Variants in ST3GAL2 observed in about 807,000 individuals in gnomAD.
ST3GAL2 encodes the protein CMP-N-acetylneuraminate-beta-galactosamide-alpha-2,3-sialyltransferase 2.
Under a neutral mutation model 37.5 loss-of-function variants are expected in ST3GAL2, and 16 were observed. The ratio of observed to expected loss-of-function variants is 0.43; its 90% CI spans 0.29 to 0.65. The LOEUF (loss-of-function observed/expected upper bound fraction) is 0.65. Among genes scored for constraint, ST3GAL2 ranks in the 30% least tolerant of loss-of-function variants. ST3GAL2 has a pLI of 0.17. For synonymous variants in ST3GAL2, 238 were observed against 202.9 expected, an observed-to-expected ratio of 1.17 and a Z score of -1.47; for missense variants, 383 against 487.8, an observed-to-expected ratio of 0.79 and a Z score of 2.02.
At chr16:70,386,641 AT>A (rs2151657840) in intron 4 of ST3GAL2, among the ~76,000 whole-genome samples, 1 of 151,626 alleles carries the variant, frequency 6.6e-6, no homozygotes, top group East Asian at 2.0e-4. Flanking sequence ...CCGGCCAAAA[AT>A]TTTTATTTTT....
chr16:70,434,557 A>C (rs1490957623), intron 1 of ST3GAL2, among the ~76,000 whole-genome samples: 1 of 152,194 alleles, frequency 6.6e-6, no homozygotes, highest in African/African-American at 2.4e-5. Context: ...GAAAGACATG[A>C]GTTTCAACCC....
chr16:70,389,202 C>CAAAAAAAAAAA lies in ST3GAL2; in HGVS notation c.534-667_534-657dup, dbSNP rs1160368910. ...AGACCACGGTGAAACCCCATCTCTA[C>CAAAAAAAAAAA]AAAAAAAAAAAAAAAAAAAAAAAAA... On this transcript the variant is annotated intron_variant, in intron 3 of 6. Coordinates refer to ENST00000342907, the MANE Select transcript of ST3GAL2 (RefSeq NM_006927.4). Among the ~76,000 whole-genome samples, 106 of 27,372 alleles carry CAAAAAAAAAAA rather than the reference C, an allele frequency of 3.9e-3. 37 individuals carry two copies. Among genetic ancestry groups the CAAAAAAAAAAA allele is most frequent in the Middle Eastern group, 0.091 (2 of 22 alleles). The allele number at this position is 27,372 out of a possible 152,430, so 18.0% of individuals were successfully genotyped here. A position where few individuals can be genotyped will look rare whatever the true frequency, so the allele number is the denominator to read the frequency against.
intron 3 of ST3GAL2, among the ~76,000 whole-genome samples, chr16:70,390,917 C>T (rs1200028964): frequency 1.3e-5 from 2 of 152,158 alleles, no homozygotes; most frequent in East Asian, 3.8e-4. Flanking sequence ...GTGGACCACA[C>T]CTTGTGGAAT....
At chr16:70,434,640 C>A (rs117214761) in intron 1 of ST3GAL2, among the ~76,000 whole-genome samples, 1 of 152,298 alleles carries the variant, frequency 6.6e-6, no homozygotes, top group East Asian at 1.9e-4. Context: ...TACAAAGCAG[C>A]GGCAACAACA....
In ST3GAL2 at chr16:70,379,137, T is replaced by C. The variant is rs1345145880; in HGVS notation, c.*2552A>G. 1 of 152,230 alleles carries C rather than the reference T, an allele frequency of 6.6e-6. No homozygotes were observed. Among genetic ancestry groups the C allele is most frequent in the Non-Finnish European group, 1.5e-5 (1 of 68,080 alleles). 9.4% of individuals were successfully genotyped at this position (152,230 alleles called of 1,614,324 possible). A position where few individuals can be genotyped will look rare whatever the true frequency, so the allele number is the denominator to read the frequency against. On this transcript the variant is annotated 3_prime_UTR_variant, in exon 7 of 7. Transcript: ENST00000342907. ...TGAGAGGTGGGGACAGCCCAGCCTG[T>C]GGCCACCCAAATGTATCGGAGCCTG...
intron 1 of ST3GAL2, among the ~76,000 whole-genome samples, chr16:70,410,639 A>G (rs954143492): frequency 6.6e-6 from 1 of 151,600 alleles, no homozygotes; most frequent in African/African-American, 2.4e-5. Flanking sequence ...TAGCTTATGT[A>G]CATTTTCTTG....
intron 3 of ST3GAL2, among the ~76,000 whole-genome samples, chr16:70,390,459 A>C (rs948367521): frequency 6.6e-6 from 1 of 152,126 alleles, no homozygotes; most frequent in Admixed American, 6.6e-5. Context: ...CCTTCCTATA[A>C]GATGGTGAAA....
chr16:70,404,252 G>A (rs564736338), intron 1 of ST3GAL2, among the ~76,000 whole-genome samples: 1 of 152,256 alleles, frequency 6.6e-6, no homozygotes, highest in Admixed American at 6.5e-5. Flanking sequence ...AACAGCCAAT[G>A]AGGCAGGGGG....
chr16:70,386,983 T>C (rs1333439759), intron 4 of ST3GAL2, among the ~76,000 whole-genome samples: 1 of 152,056 alleles, frequency 6.6e-6, no homozygotes, highest in Non-Finnish European at 1.5e-5. Context: ...CCGGGTGTGG[T>C]GGCTCATGCC....
intron 1 of ST3GAL2, among the ~76,000 whole-genome samples, chr16:70,424,445 T>C (rs896994021): frequency 1.3e-5 from 2 of 151,094 alleles, no homozygotes; most frequent in Non-Finnish European, 3.0e-5. Context: ...CTACTAAAAA[T>C]ACAAAATTAG....
At chr16:70,402,538 A>G (rs1349965281) in intron 1 of ST3GAL2, among the ~76,000 whole-genome samples, 1 of 152,236 alleles carries the variant, frequency 6.6e-6, no homozygotes, top group Non-Finnish European at 1.5e-5. Context: ...TCAAGGAAAC[A>G]ACACAAAATT....
intron 1 of ST3GAL2, among the ~76,000 whole-genome samples, chr16:70,435,058 AG>A (rs1476750822): frequency 2.0e-5 from 3 of 152,226 alleles, no homozygotes; most frequent in Non-Finnish European, 4.4e-5. Flanking sequence ...AAACAGGCAC[AG>A]GCCAGACGAG....
intron 1 of ST3GAL2, among the ~76,000 whole-genome samples, chr16:70,420,534 G>T (rs1189413379): frequency 6.6e-6 from 1 of 152,174 alleles, no homozygotes; most frequent in African/African-American, 2.4e-5. Flanking sequence ...GGACAAGCCA[G>T]CACTAGGAGG....
chr16:70,434,668 C>G (rs1452472337), intron 1 of ST3GAL2, among the ~76,000 whole-genome samples: 1 of 152,222 alleles, frequency 6.6e-6, no homozygotes, highest in African/African-American at 2.4e-5. Context: ...TGCAGTGCTG[C>G]TGTGAGGATT....
At position 70,394,937 on chromosome 16, in the gene ST3GAL2, C is replaced by T. The variant is rs374633767; in HGVS notation, c.533+45G>A. 1.3e-4 allele frequency: 202 copies of T among 1,588,668 alleles called. 3 individuals carry two copies. In the South Asian group the frequency reaches 1.3e-3, roughly 11 times the overall value. ...AGGCAGAGGAGGGCAGTCCCCTTCC[C>T]GGAGGCCCATCCTGAGCCCACCCTT... is the stretch of plus-strand genomic sequence containing the variant. On this transcript the variant is annotated intron_variant, in intron 3 of 6. Transcript: ENST00000342907.
intron 1 of ST3GAL2, among the ~76,000 whole-genome samples, chr16:70,431,738 C>T (rs918160856): frequency 2.5e-4 from 38 of 151,146 alleles, no homozygotes; most frequent in African/African-American, 9.3e-4. Flanking sequence ...CCGAGGCGGG[C>T]AGATCACGAG....
At chr16:70,413,541 C>T (rs2047653829) in intron 1 of ST3GAL2, among the ~76,000 whole-genome samples, 1 of 141,820 alleles carries the variant, frequency 7.1e-6, no homozygotes, top group Admixed American at 7.1e-5. Flanking sequence ...CATGGAGAAA[C>T]CCGTCTCTAT....
In ST3GAL2 at chr16:70,381,371, A is replaced by C. The variant is rs1167217677; in HGVS notation, c.*318T>G. The C allele has an allele frequency of 7.2e-6, 2 of 275,962 alleles. No individual in the cohort carries two copies. The highest frequency in any genetic ancestry group is 1.4e-5 in the Non-Finnish European group (2 of 144,564). 17.1% of individuals were successfully genotyped at this position (275,962 alleles called of 1,614,324 possible). A position where few individuals can be genotyped will look rare whatever the true frequency, so the allele number is the denominator to read the frequency against. ...TCTCCTCCTCAGAAAGCGTGAAAGA[A>C]AACCCTAACCCAAAGCATGAGGGAG... On this transcript the variant is annotated 3_prime_UTR_variant, in exon 7 of 7. Transcript: ENST00000342907.
intron 1 of ST3GAL2, among the ~76,000 whole-genome samples, chr16:70,411,005 A>G (rs1020450615): frequency 6.6e-6 from 1 of 151,884 alleles, no homozygotes; most frequent in Non-Finnish European, 1.5e-5. Context: ...TCCCTTTTTC[A>G]CCAGGAATTG....
Sources: gnomAD v4.1 joint callset for allele counts (sites outside exome capture counted in the v4.1 genomes callset) on GRCh38, gnomAD v4.1.1 for gene constraint, MANE v1.5 for transcripts, NCBI Gene and HGNC (gene_info 2026-07-23, HGNC 2026-07-21) for gene names.